The following KMT2E variants were observed in gnomAD, a reference collection of about 807,000 sequenced individuals.
KMT2E encodes lysine methyltransferase 2E (inactive), also known as histone reader KMT2E.
A neutral mutation model predicts 184.6 loss-of-function variants in KMT2E; 30 were observed. That is an observed-to-expected ratio of 0.16 (90% confidence interval 0.12 to 0.22). The LOEUF is 0.22. KMT2E is among the 10% of genes least tolerant of loss of function. The probability of loss-of-function intolerance (pLI) is 1.00; values close to 1 mark genes in which losing one functional copy is unlikely to be tolerated. For missense variants in KMT2E, 2,023 were observed against 2,237.4 expected (o/e 0.90, Z 1.93); for synonymous variants, 815 against 776.5 (o/e 1.05, Z -0.82).
intron 7 of KMT2E, 88 bp from the exon 8 acceptor site, chr7:105,074,555 G>A (rs1584762230): frequency 1.5e-5 from 15 of 991,622 alleles, no homozygotes; most frequent in East Asian, 2.8e-5. Flanking sequence ...AGATGGAGAC[G>A]ACAATACTTT....
intron 2 of KMT2E, 125 bp from the exon 3 acceptor site, chr7:105,040,714 A>G (rs926263356): frequency 3.1e-5 from 10 of 327,358 alleles, no homozygotes; most frequent in Non-Finnish European, 5.5e-5. Context: ...AGAAAAATTA[A>G]TGAGAGAGAC....
chr7:105,091,716 CAAAA>C (rs761405130), intron 15 of KMT2E: 19 of 142,998 alleles, frequency 1.3e-4, no homozygotes, highest in South Asian at 4.5e-4. Flanking sequence ...ATTGCTTATG[CAAAA>C]AAAAAAAAAA....
chr7:105,077,166 C>T lies in KMT2E; in HGVS notation c.972C>T (p.Asn324=), dbSNP rs776915285. The T allele has an allele frequency of 1.7e-5, 28 of 1,613,700 alleles. No individual in the cohort carries two copies. In the East Asian group the frequency reaches 4.5e-4, roughly 26 times the overall value. Residue 324 remains asparagine, a synonymous_variant, in exon 10 of 27, where the codon AAC becomes AAT. Transcript: ENST00000311117. ...TGAATAAATCCGATTTGAATACCAACAATTTGCTCTTCAAACCTCCTGTAG... is the reference window on the plus strand; with the variant it reads ...TGAATAAATCCGATTTGAATACCAATAATTTGCTCTTCAAACCTCCTGTAG... ...KEMNKSDLNT[N]NLLFKPPVES... is the part of the protein sequence containing the mutation.
intron 3 of KMT2E, among the ~76,000 whole-genome samples, chr7:105,042,549 C>T (rs1386883214): frequency 6.6e-6 from 1 of 152,130 alleles, no homozygotes; most frequent in African/African-American, 2.4e-5. Context: ...ACACATTTGC[C>T]TATGGCCACA....
chr7:105,018,782 A>C (rs1190073602), intron 1 of KMT2E, among the ~76,000 whole-genome samples: 1 of 151,908 alleles, frequency 6.6e-6, no homozygotes, highest in African/African-American at 2.4e-5. Context: ...GAGGAGCCTT[A>C]TTTTTTTCTT....
At chr7:105,099,177 G>A (rs1233716110) in intron 15 of KMT2E, among the ~76,000 whole-genome samples, 1 of 152,174 alleles carries the variant, frequency 6.6e-6, no homozygotes, top group Non-Finnish European at 1.5e-5. Context: ...TTAAGATAAA[G>A]CTAGGTCTAA....
At chr7:105,104,475 C>G (rs1798804833) in intron 17 of KMT2E, 1 of 152,160 alleles carries the variant, frequency 6.6e-6, no homozygotes, top group Admixed American at 6.5e-5. Flanking sequence ...ATCACTTGAG[C>G]CCAGGAGTTC....
chr7:105,101,314 T>C (rs1395833961), intron 15 of KMT2E, 111 bp from the exon 16 acceptor site: 3 of 665,024 alleles, frequency 4.5e-6, no homozygotes, highest in Non-Finnish European at 6.9e-6. Context: ...TAGAAGTAGT[T>C]TGCTGATAGT....
chr7:105,027,074 C>A, intron 1 of KMT2E, among the ~76,000 whole-genome samples: 1 of 81,940 alleles, frequency 1.2e-5, no homozygotes, highest in South Asian at 4.0e-4. Flanking sequence ...GCCCCGCCCT[C>A]TTTTTTTTTT....
At chr7:105,063,288 G>T in intron 4 of KMT2E, 63 bp from the exon 5 acceptor site, 5 of 1,176,636 alleles carry the variant, frequency 4.2e-6, no homozygotes, top group Non-Finnish European at 6.0e-6. Context: ...TATTTAAGTT[G>T]CTTGGTTTAT....
intron 1 of KMT2E, among the ~76,000 whole-genome samples, chr7:105,023,975 G>A (rs1171167980): frequency 6.6e-6 from 1 of 152,036 alleles, no homozygotes; most frequent in Non-Finnish European, 1.5e-5. Context: ...AGAAGGACAA[G>A]TAAAGGAAAA....
rs755479529 is a variant in KMT2E, at chr7:105,112,604, C to T, written c.4848C>T (p.Thr1616=). ...PGHFLPSQNP[T]IHHQTAAAVV... The stretch of plus-strand genomic sequence containing the variant: ...ATTTTTTGCCCTCTCAGAACCCTAC[C>T]ATTCACCATCAAACTGCTGCTGCCG... The change falls in exon 27 of 27, where the codon ACC becomes ACT. Residue 1616 remains threonine (T), a synonymous_variant. Transcript: ENST00000311117. The T allele has an allele frequency of 1.2e-6, 2 of 1,614,018 alleles. No homozygotes were observed. The highest frequency in any genetic ancestry group is 1.7e-6 in the Non-Finnish European group (2 of 1,179,998).
At chr7:105,068,626 T>TG (rs1797146489) in intron 6 of KMT2E, among the ~76,000 whole-genome samples, 1 of 134,602 alleles carries the variant, frequency 7.4e-6, no homozygotes, top group African/African-American at 3.2e-5. Flanking sequence ...TAGTTGTGGT[T>TG]TTTTTTTTTT....
chr7:105,089,565 A>C (rs1230809639), intron 13 of KMT2E, among the ~76,000 whole-genome samples: 1 of 152,244 alleles, frequency 6.6e-6, no homozygotes, highest in African/African-American at 2.4e-5. Context: ...TCACAGTCAA[A>C]GTGCAGTCAG....
chr7:105,035,022 A>ATTT (rs981054177), intron 1 of KMT2E, among the ~76,000 whole-genome samples: 6 of 129,714 alleles, frequency 4.6e-5, no homozygotes, highest in Non-Finnish European at 6.6e-5. Flanking sequence ...CACCTGGCTA[A>ATTT]TTTTTTTTTT....
At chr7:105,033,721 G>C (rs573192589) in intron 1 of KMT2E, among the ~76,000 whole-genome samples, 5 of 152,050 alleles carry the variant, frequency 3.3e-5, no homozygotes, top group African/African-American at 1.2e-4. Context: ...GGGTGGTCTC[G>C]ATCTCCTGAC....
intron 26 of KMT2E, chr7:105,111,221 G>A: frequency 1.0e-5 from 2 of 194,798 alleles, no homozygotes; most frequent in East Asian, 1.4e-4. Context: ...TCATTTAAAA[G>A]GAATGACATC....
chr7:105,103,827 C>CTTTTTTTTTTT (rs66584948), intron 17 of KMT2E: 2 of 117,606 alleles, frequency 1.7e-5, no homozygotes, highest in South Asian at 2.6e-4. Flanking sequence ...TTTTCTTTTT[C>CTTTTTTTTTTT]TTTTTTTTTT....
chr7:105,045,376 G>A (rs1052463005), intron 3 of KMT2E, among the ~76,000 whole-genome samples: 2 of 152,190 alleles, frequency 1.3e-5, no homozygotes, highest in Admixed American at 6.5e-5. Context: ...CATTCACAGT[G>A]TTGTGCAGCC....
Sources: allele counts gnomAD v4.1 joint callset (sites outside exome capture counted in the v4.1 genomes callset), GRCh38; gene constraint gnomAD v4.1.1; transcripts MANE v1.5; gene names NCBI Gene and HGNC (gene_info 2026-07-23, HGNC 2026-07-21).